Variants in KIAA0586 observed in about 807,000 individuals in gnomAD.
KIAA0586 encodes KIAA0586, also known as protein TALPID3.
A neutral mutation model predicts 169.8 loss-of-function variants in KIAA0586; 144 were observed. That is an observed-to-expected ratio of 0.85 (90% CI 0.74 to 0.97). The LOEUF (loss-of-function observed/expected upper bound fraction) is 0.97, where lower values mean the gene tolerates loss of function less well. Among genes scored for constraint, KIAA0586 ranks in the 50% least tolerant of loss-of-function variants. The probability of loss-of-function intolerance (pLI) is 0.00; values close to 1 mark genes in which losing one functional copy is unlikely to be tolerated. For synonymous variants in KIAA0586, 625 were observed against 612.4 expected (o/e 1.02, Z -0.30); for missense variants, 1,854 against 1,823.0 (o/e 1.02, Z -0.31).
chr14:58,477,936 T>A (rs1316071308), intron 20 of KIAA0586, among the ~76,000 whole-genome samples: 1 of 152,042 alleles, frequency 6.6e-6, no homozygotes, highest in Non-Finnish European at 1.5e-5. Context: ...CCTTTCCACC[T>A]CCTCCTTGTT....
At chr14:58,540,457 G>C (rs1019163138) in intron 30 of KIAA0586, among the ~76,000 whole-genome samples, 2 of 152,180 alleles carry the variant, frequency 1.3e-5, no homozygotes, top group Admixed American at 1.3e-4. Flanking sequence ...TGTTGGGACA[G>C]GACAGTGTTT....
At chr14:58,544,533 A>G (rs1051601460) in intron 30 of KIAA0586, among the ~76,000 whole-genome samples, 1 of 152,046 alleles carries the variant, frequency 6.6e-6, no homozygotes, top group Non-Finnish European at 1.5e-5. Flanking sequence ...AGCATCTGTT[A>G]TTTTTTGGCC....
In KIAA0586 at chr14:58,460,023, C is replaced by T; in HGVS notation, c.1837C>T (p.Pro613Ser). The T allele has an allele frequency of 1.3e-6, 2 of 1,533,950 alleles. No homozygotes were observed. The highest frequency in any genetic ancestry group is 1.2e-5 in the South Asian group (1 of 83,866). Reference sequence around the variant, plus strand: ...AATAGAAGAGCATTTTAGAAATCTACCTATGAGGGGCATGCCTGCTTCAAG... The same window carrying T: ...AATAGAAGAGCATTTTAGAAATCTATCTATGAGGGGCATGCCTGCTTCAAG... Reference protein sequence around the residue: ...KQIEEHFRNLPMRGMPASSLQ... With the variant: ...KQIEEHFRNLSMRGMPASSLQ... The change falls in exon 13 of 31, where the codon CCT becomes TCT. Residue 613 changes from proline to serine, a missense_variant. By Grantham distance (74) the Pro-to-Ser change is moderately conservative (BLOSUM62 -1). Transcript: ENST00000652326.
the KIAA0586 span, among the ~76,000 whole-genome samples, chr14:58,561,193 C>T: frequency 6.6e-6 from 1 of 152,022 alleles, no homozygotes; most frequent in African/African-American, 2.4e-5. Flanking sequence ...ACAGAGAAAG[C>T]GTGTGTGTGT....
intron 30 of KIAA0586, among the ~76,000 whole-genome samples, chr14:58,542,016 A>C (rs2046663257): frequency 6.6e-6 from 1 of 152,242 alleles, no homozygotes; most frequent in South Asian, 2.1e-4. Context: ...ATGGTGATTT[A>C]TTAAAATGTT....
chr14:58,460,218 AG>A (rs754450464), intron 13 of KIAA0586, 148 bp downstream of exon 13: 18 of 570,114 alleles, frequency 3.2e-5, no homozygotes, highest in Non-Finnish European at 5.2e-5. Context: ...ATTGATACTT[AG>A]GGTTTTGGAT....
At chr14:58,458,278 A>G (rs1213633796) in intron 11 of KIAA0586, among the ~76,000 whole-genome samples, 195 bp from the exon 12 acceptor site, 3 of 152,178 alleles carry the variant, frequency 2.0e-5, no homozygotes, top group African/African-American at 4.8e-5. Flanking sequence ...TAATACCATG[A>G]AAACAAATAG....
chr14:58,476,700 C>A (rs566711800), intron 19 of KIAA0586, among the ~76,000 whole-genome samples: 1 of 143,292 alleles, frequency 7.0e-6, no homozygotes, highest in Non-Finnish European at 1.5e-5. Context: ...CAGGGTCTCA[C>A]TCTATTGCCT....
chr14:58,483,631 A>G (rs1423115798), intron 21 of KIAA0586, among the ~76,000 whole-genome samples: 1 of 152,152 alleles, frequency 6.6e-6, no homozygotes, highest in African/African-American at 2.4e-5. Context: ...ATGAACTGAT[A>G]TTTTTAATCT....
chr14:58,521,234 C>T (rs926511518), intron 29 of KIAA0586: 14 of 1,044,582 alleles, frequency 1.3e-5, no homozygotes, highest in African/African-American at 3.2e-5. Flanking sequence ...TGGCCAGCAA[C>T]GTTGCCGACA....
intron 6 of KIAA0586, among the ~76,000 whole-genome samples, chr14:58,447,280 A>G (rs1258063136): frequency 1.3e-5 from 2 of 152,044 alleles, no homozygotes; most frequent in African/African-American, 4.8e-5. Flanking sequence ...GCCTGGCATA[A>G]AACTCTATTT....
At chr14:58,534,450 G>A (rs1236305208) in intron 29 of KIAA0586, among the ~76,000 whole-genome samples, 1 of 152,170 alleles carries the variant, frequency 6.6e-6, no homozygotes, top group African/African-American at 2.4e-5. Flanking sequence ...GGAATTAAAT[G>A]TGAATTTACA....
rs111671691 is a variant in KIAA0586, at chr14:58,529,397, A to G, written c.4430-10674A>G. ...TGATACGAAAACCTGGCAGAGACAC[A>G]ACAAAAAAAAGAAAATTTCAGGCCA... On this transcript the variant is annotated intron_variant, in intron 29 of 30. Coordinates refer to ENST00000652326, the MANE Select transcript of KIAA0586 (RefSeq NM_001329943.3). Among the ~76,000 whole-genome samples, 503 of 152,300 alleles carry G rather than the reference A, an allele frequency of 3.3e-3. 6 individuals are homozygous for G. The highest frequency in any genetic ancestry group is 0.012 in the African/African-American group (482 of 41,578).
chr14:58,488,590 A>G, intron 23 of KIAA0586, 31 bp from the exon 24 acceptor site: 1 of 1,609,694 alleles, frequency 6.2e-7, no homozygotes, highest in Non-Finnish European at 8.5e-7. Flanking sequence ...CAGTGACCTA[A>G]CAAGCTCCAA....
intron 30 of KIAA0586, among the ~76,000 whole-genome samples, chr14:58,542,025 T>C (rs1387723556): frequency 2.6e-5 from 4 of 152,204 alleles, no homozygotes; most frequent in Admixed American, 2.6e-4. Flanking sequence ...TATTAAAATG[T>C]TATGTCTTTT....
At chr14:58,516,018 G>C (rs1049636651) in intron 29 of KIAA0586, among the ~76,000 whole-genome samples, 1 of 152,082 alleles carries the variant, frequency 6.6e-6, no homozygotes, top group Non-Finnish European at 1.5e-5. Context: ...TGAGACACAA[G>C]CACTGTCTCA....
chr14:58,486,790 A>C (rs776787706), intron 21 of KIAA0586, among the ~76,000 whole-genome samples: 7 of 152,308 alleles, frequency 4.6e-5, no homozygotes, highest in African/African-American at 9.6e-5. Context: ...GGTGCCTTAG[A>C]ATTCTGTGGG....
intron 26 of KIAA0586, among the ~76,000 whole-genome samples, chr14:58,496,063 A>C (rs1269366311): frequency 6.6e-6 from 1 of 152,232 alleles, no homozygotes; most frequent in South Asian, 2.1e-4. Flanking sequence ...ATATTGATAC[A>C]TTATAAGTTA....
chr14:58,518,560 C>T (rs2044940423), intron 29 of KIAA0586, among the ~76,000 whole-genome samples: 1 of 152,184 alleles, frequency 6.6e-6, no homozygotes, highest in African/African-American at 2.4e-5. Context: ...CTGGCACATC[C>T]AATATAATGT....
Sources: gnomAD v4.1 joint callset for allele counts (sites outside exome capture counted in the v4.1 genomes callset) on GRCh38, gnomAD v4.1.1 for gene constraint, MANE v1.5 for transcripts, NCBI Gene and HGNC (gene_info 2026-07-23, HGNC 2026-07-21) for gene names.